Variants in NXPE2 observed in about 807,000 individuals in gnomAD.
The protein encoded by NXPE2 is neurexophilin and PC-esterase domain family member 2, also known as NXPE family member 2.
A neutral mutation model predicts 34.4 loss-of-function variants in NXPE2; 34 were observed. That is an observed-to-expected ratio of 0.99 (90% CI 0.75 to 1.31). The LOEUF is 1.31. Among genes scored for constraint, NXPE2 ranks in the 40% most tolerant of loss-of-function variants. NXPE2 has a pLI of 0.00. For synonymous variants in NXPE2, 235 were observed against 231.3 expected (o/e 1.02, Z -0.15); for missense variants, 649 against 672.5 (o/e 0.97, Z 0.39).
chr11:114,696,339 C>CAAAAAA (rs1565386517), intron 2 of NXPE2, among the ~76,000 whole-genome samples: 1 of 129,350 alleles, frequency 7.7e-6, no homozygotes, highest in African/African-American at 2.9e-5. Flanking sequence ...ATCAAAAAAA[C>CAAAAAA]CAAAAAAAAA....
At chr11:114,546,840 A>G in the NXPE2 span, among the ~76,000 whole-genome samples, 2 of 152,216 alleles carry the variant, frequency 1.3e-5, no homozygotes, top group African/African-American at 4.8e-5. Context: ...ACAAAGGAAC[A>G]CAGGAACCAA....
the NXPE2 span, among the ~76,000 whole-genome samples, chr11:114,668,996 A>AGAGTG: frequency 1.3e-5 from 2 of 152,118 alleles, no homozygotes; most frequent in African/African-American, 2.4e-5. Context: ...CCAGCTCTAT[A>AGAGTG]GAGTGGTAGC....
chr11:114,710,148 A>G (rs565377364), downstream of NXPE2, among the ~76,000 whole-genome samples: 1 of 152,272 alleles, frequency 6.6e-6, no homozygotes, highest in Admixed American at 6.5e-5. Context: ...GAAAAAAGAA[A>G]AATGTTTGCA....
chr11:114,803,464 C>T, the NXPE2 span, among the ~76,000 whole-genome samples: 1 of 152,156 alleles, frequency 6.6e-6, no homozygotes, highest in Non-Finnish European at 1.5e-5. Context: ...GGCTGAGAAG[C>T]CTGAGACCAA....
At chr11:114,468,262 G>C in the NXPE2 span, among the ~76,000 whole-genome samples, 1 of 152,194 alleles carries the variant, frequency 6.6e-6, no homozygotes. Context: ...ATGAGAGCTA[G>C]AGGTGGGGTG....
the NXPE2 span, among the ~76,000 whole-genome samples, chr11:114,572,678 A>T: frequency 6.6e-6 from 1 of 152,200 alleles, no homozygotes; most frequent in East Asian, 1.9e-4. Context: ...AAAGGATTTT[A>T]AAAAATGAAC....
chr11:114,717,147 C>T, the NXPE2 span, among the ~76,000 whole-genome samples: 16 of 152,148 alleles, frequency 1.1e-4, no homozygotes, highest in African/African-American at 3.9e-4. Flanking sequence ...TACTAACTGG[C>T]TGACCCTCTT....
At chr11:114,752,976 GA>G in the NXPE2 span, among the ~76,000 whole-genome samples, 1 of 152,296 alleles carries the variant, frequency 6.6e-6, no homozygotes, top group African/African-American at 2.4e-5. Flanking sequence ...CTAAGATTTG[GA>G]GATCGGGGAG....
At chr11:114,589,643 G>A in the NXPE2 span, among the ~76,000 whole-genome samples, 1 of 152,160 alleles carries the variant, frequency 6.6e-6, no homozygotes, top group East Asian at 1.9e-4. Context: ...CAATCCAGAA[G>A]TCTGGGCAAC....
At chr11:114,522,578 TAAA>T in the NXPE2 span, 11 of 1,266,356 alleles carry the variant, frequency 8.7e-6, no homozygotes, top group East Asian at 2.7e-4. Context: ...TCCTATCATT[TAAA>T]ATACCCACCC....
At chr11:114,797,930 C>T in the NXPE2 span, among the ~76,000 whole-genome samples, 6 of 152,274 alleles carry the variant, frequency 3.9e-5, no homozygotes, top group African/African-American at 1.2e-4. Context: ...AGGCTCGGAT[C>T]TCCTCTTTGA....
At chr11:114,725,976 A>T in the NXPE2 span, among the ~76,000 whole-genome samples, 13,100 of 101,486 alleles carry the variant, frequency 0.13, 1,355 homozygotes, top group Middle Eastern at 0.2. Flanking sequence ...ATAAAAAAAA[A>T]ATATATATAT....
the NXPE2 span, among the ~76,000 whole-genome samples, chr11:114,727,798 C>CACACAA: frequency 6.6e-5 from 10 of 151,564 alleles, no homozygotes; most frequent in Non-Finnish European, 1.0e-4. Context: ...CACACACACA[C>CACACAA]ACACACACAC....
chr11:114,468,001 G>A, the NXPE2 span, among the ~76,000 whole-genome samples: 44,090 of 151,556 alleles, frequency 0.29, 6,674 homozygotes, highest in East Asian at 0.37. Context: ...AGAAATTATG[G>A]GAGAGCCTGA....
chr11:114,500,716 G>T, the NXPE2 span, among the ~76,000 whole-genome samples: 1 of 151,878 alleles, frequency 6.6e-6, no homozygotes, highest in Non-Finnish European at 1.5e-5. Flanking sequence ...TTTTCTTCTT[G>T]CAGCTTTATA....
chr11:114,798,287 T>A, the NXPE2 span, among the ~76,000 whole-genome samples: 21,873 of 152,164 alleles, frequency 0.14, 1,565 homozygotes, highest in African/African-American at 0.17. Flanking sequence ...TTGCAGCTAC[T>A]GTCCCCAGGA....
At chr11:114,809,559 G>C in the NXPE2 span, among the ~76,000 whole-genome samples, 1 of 32,064 alleles carries the variant, frequency 3.1e-5, no homozygotes, top group African/African-American at 7.0e-5. Flanking sequence ...AACAGACAGA[G>C]AGCCAAATCA....
At chr11:114,696,053 CAGG>C (rs1951246679) in intron 2 of NXPE2, among the ~76,000 whole-genome samples, 1 of 151,450 alleles carries the variant, frequency 6.6e-6, no homozygotes, top group Non-Finnish European at 1.5e-5. Flanking sequence ...AAGAAGAAAT[CAGG>C]CTGAGCTCAG....
At chr11:114,737,113 T>A in the NXPE2 span, among the ~76,000 whole-genome samples, 2 of 152,236 alleles carry the variant, frequency 1.3e-5, no homozygotes, top group Non-Finnish European at 2.9e-5. Flanking sequence ...ATTTCTCTTA[T>A]TTTCTATGTT....
Sources: allele counts gnomAD v4.1 joint callset (sites outside exome capture counted in the v4.1 genomes callset), GRCh38; gene constraint gnomAD v4.1.1; transcripts MANE v1.5; gene names NCBI Gene and HGNC (gene_info 2026-07-23, HGNC 2026-07-21).